Variants in UHMK1 observed in about 807,000 individuals in gnomAD.
The protein encoded by UHMK1 is serine/threonine-protein kinase Kist.
In UHMK1, 18 loss-of-function variants were observed where a neutral mutation model predicts 44.0. The ratio of observed to expected loss-of-function variants is 0.41; its 90% confidence interval spans 0.28 to 0.61. UHMK1 has a LOEUF of 0.61. Ranked by LOEUF, UHMK1 falls within the 20% of genes least tolerant of loss-of-function variation. UHMK1 has a pLI of 0.31. For missense variants in UHMK1, 463 were observed against 522.5 expected (o/e 0.89, Z 1.11); for synonymous variants, 231 against 198.5 (o/e 1.16, Z -1.38).
rs1396171128 is a variant in UHMK1, at chr1:162,500,987, C to G, written c.636C>G (p.Gly212=). ...TGCAAAATTGCTTGGCCCAGGCTGG[C>G]CTGCAGAGTGATACAGAATGTACCT... ...AELQNCLAQA[G]LQSDTECTSA... Residue 212 remains glycine (G), a synonymous_variant, in exon 3 of 8, where the codon GGC becomes GGG. Transcript: ENST00000489294. 1.8e-5 allele frequency: 29 copies of G among 1,613,784 alleles called. No individual in the cohort carries two copies. Among genetic ancestry groups the G allele is most frequent in the Non-Finnish European group, 2.4e-5 (28 of 1,179,986 alleles).
At chr1:162,499,801 AAG>A (rs1217609321) in intron 1 of UHMK1, among the ~76,000 whole-genome samples, 152 bp from the exon 2 acceptor site, 2 of 152,160 alleles carry the variant, frequency 1.3e-5, no homozygotes, top group African/African-American at 4.8e-5. Context: ...CAATTGCCAA[AAG>A]ATCTTATTCA....
upstream of UHMK1, chr1:162,497,361 C>A: frequency 2.9e-6 from 2 of 683,232 alleles, no homozygotes. Flanking sequence ...AGTGCCCTGG[C>A]CTGGGAGAAA....
At chr1:162,508,377 G>T (rs934986211) in intron 4 of UHMK1, among the ~76,000 whole-genome samples, 6 of 151,852 alleles carry the variant, frequency 4.0e-5, no homozygotes, top group Non-Finnish European at 5.9e-5. Flanking sequence ...CTCCCAAAGT[G>T]CTGGGATTAT....
intron 4 of UHMK1, among the ~76,000 whole-genome samples, chr1:162,509,670 C>T (rs774241903): frequency 6.6e-6 from 1 of 152,148 alleles, no homozygotes; most frequent in South Asian, 2.1e-4. Context: ...ATGATGGAGT[C>T]ACACTCTGTT....
chr1:162,502,484 T>TA (rs1345983774), intron 3 of UHMK1, among the ~76,000 whole-genome samples: 1 of 152,172 alleles, frequency 6.6e-6, no homozygotes, highest in East Asian at 1.9e-4. Context: ...TCAAGAGTCT[T>TA]ACGTATTCTT....
rs528647066 is a variant in UHMK1 at position 162,502,520 on chromosome 1, C to T, written c.754-1234C>T. ...TCTTGGTGCTAATCCAGACATAGATCAGTTATTTGAATGAGTTTTGACTGT... is the reference window on the plus strand; with the variant it reads ...TCTTGGTGCTAATCCAGACATAGATTAGTTATTTGAATGAGTTTTGACTGT... On this transcript the variant is annotated intron_variant, in intron 3 of 7. Transcript: ENST00000489294. Among the ~76,000 whole-genome samples the T allele has an allele frequency of 5.9e-5, 9 of 152,222 alleles. 1 individual carries two copies. The South Asian group carries it at 1.9e-3, about 32-fold the overall frequency.
intron 6 of UHMK1, among the ~76,000 whole-genome samples, chr1:162,513,534 G>T (rs1571014341): frequency 6.6e-6 from 1 of 152,294 alleles, no homozygotes; most frequent in East Asian, 1.9e-4. Flanking sequence ...TGAAGATAGG[G>T]TACTATACAA....
chr1:162,498,895 G>A (rs1194718903), intron 1 of UHMK1, among the ~76,000 whole-genome samples: 1 of 152,212 alleles, frequency 6.6e-6, no homozygotes, highest in Non-Finnish European at 1.5e-5. Context: ...CTTATCATTA[G>A]TTATAGCTTT....
chr1:162,528,758 T>A lies in UHMK1; in HGVS notation c.*6208T>A, dbSNP rs1462486153. The A allele has an allele frequency of 6.6e-6, 1 of 152,172 alleles. No homozygotes were observed. The highest frequency in any genetic ancestry group is 1.5e-5 in the Non-Finnish European group (1 of 67,994). 9.4% of individuals were successfully genotyped at this position (152,172 alleles called of 1,614,324 possible). A position where few individuals can be genotyped will look rare whatever the true frequency, so the allele number is the denominator to read the frequency against. On this transcript the variant is annotated 3_prime_UTR_variant, in exon 8 of 8. Coordinates refer to ENST00000489294, the MANE Select transcript of UHMK1 (RefSeq NM_175866.5). ...TTTTCCAGCAGAATTTACTCTTCCATTCTTAATTCTTTTTTGAAATATCTT... is the reference window on the plus strand; with the variant it reads ...TTTTCCAGCAGAATTTACTCTTCCAATCTTAATTCTTTTTTGAAATATCTT...
At chr1:162,502,741 A>C (rs1651320761) in intron 3 of UHMK1, among the ~76,000 whole-genome samples, 1 of 152,222 alleles carries the variant, frequency 6.6e-6, no homozygotes, top group Non-Finnish European at 1.5e-5. Flanking sequence ...CATAGGCTCT[A>C]AAGTCAAGCT....
chr1:162,512,381 A>G (rs1455642165), intron 4 of UHMK1, 119 bp from the exon 5 acceptor site: 3 of 795,336 alleles, frequency 3.8e-6, no homozygotes, highest in Non-Finnish European at 6.0e-6. Flanking sequence ...GAATGATTCA[A>G]TAAATCATGC....
chr1:162,498,013 G>T lies in UHMK1; in HGVS notation c.13G>T (p.Gly5Cys). Residue 5 changes from glycine to cysteine, a missense_variant, in exon 1 of 8, where the codon GGC (glycine) becomes TGC (cysteine). By Grantham distance (159) the Gly-to-Cys change is radical (BLOSUM62 -3). Around this residue, in one of 3 missense-constraint regions of UHMK1, gnomAD observed 191 missense variants for 176.0 expected, o/e 1.09. Coordinates refer to ENST00000489294, the MANE Select transcript of UHMK1 (RefSeq NM_175866.5). ...TTAACCCACACCGATGGCGGGATCCGGCTGCGCCTGGGGCGCGGAGCCGCC... is the reference window on the plus strand; with the variant it reads ...TTAACCCACACCGATGGCGGGATCCTGCTGCGCCTGGGGCGCGGAGCCGCC... The part of the protein sequence containing the change: MAGS[G>C]CAWGAEPPRF... 2 of 1,587,622 alleles carry T rather than the reference G, an allele frequency of 1.3e-6. No homozygotes were observed. Among genetic ancestry groups the T allele is most frequent in the Middle Eastern group, 2.1e-4 (1 of 4,698 alleles).
At chr1:162,512,475 T>C (rs1651699045) in intron 4 of UHMK1, 25 bp from the exon 5 acceptor site, 1 of 1,578,578 alleles carries the variant, frequency 6.3e-7, no homozygotes, top group African/African-American at 1.4e-5. Flanking sequence ...GCAGAAATGA[T>C]AAGGCACCTA....
In UHMK1 at chr1:162,500,179, T is replaced by C. The variant is rs1651216228; in HGVS notation, c.493T>C (p.Leu165=). 1 of 1,614,058 alleles carries C rather than the reference T, an allele frequency of 6.2e-7. No homozygotes were observed. Among genetic ancestry groups the C allele is most frequent in the Non-Finnish European group, 8.5e-7 (1 of 1,180,014 alleles). The change falls in exon 2 of 8, where the codon TTG becomes CTG. Residue 165 remains leucine (L), a synonymous_variant. Transcript: ENST00000489294. ...TGCGGACCTCAAACCACGTAACATA[T>C]TGTGGAGTGCAGAGAATGAATGTTT... ...VHADLKPRNI[L]WSAENECFKL... is the part of the protein sequence containing the mutation.
At position 162,526,081 on chromosome 1, in the gene UHMK1, T is replaced by G. The variant is rs182736100; in HGVS notation, c.*3531T>G. 7 of 152,260 alleles carry G rather than the reference T, an allele frequency of 4.6e-5. No homozygotes were observed. In the East Asian group the frequency reaches 5.8e-4, roughly 13 times the overall value. 9.4% of individuals were successfully genotyped at this position (152,260 alleles called of 1,614,324 possible). A position where few individuals can be genotyped will look rare whatever the true frequency, so the allele number is the denominator to read the frequency against. On this transcript the variant is annotated 3_prime_UTR_variant, in exon 8 of 8. Transcript: ENST00000489294. ...TTATTACACTGGACCTTCACTCTGGTAAGGGCATCAGTTACTTTTCTGGAA... is the reference window on the plus strand; with the variant it reads ...TTATTACACTGGACCTTCACTCTGGGAAGGGCATCAGTTACTTTTCTGGAA...
At chr1:162,521,774 G>T (rs533756585) in intron 7 of UHMK1, among the ~76,000 whole-genome samples, 1 of 152,274 alleles carries the variant, frequency 6.6e-6, no homozygotes, top group Non-Finnish European at 1.5e-5. Flanking sequence ...GATTACAGGT[G>T]TGTGCCACCT....
intron 4 of UHMK1, among the ~76,000 whole-genome samples, chr1:162,506,262 T>G (rs1200057899): frequency 1.4e-5 from 2 of 138,096 alleles, no homozygotes; most frequent in Admixed American, 7.4e-5. Context: ...ATACTAAATT[T>G]GGAAACTATA....
At chr1:162,507,656 G>A (rs1201746927) in intron 4 of UHMK1, among the ~76,000 whole-genome samples, 4 of 145,284 alleles carry the variant, frequency 2.8e-5, no homozygotes, top group African/African-American at 5.1e-5. Context: ...GCGTGATCTC[G>A]GCTCACTGCA....
chr1:162,513,033 A>C, intron 6 of UHMK1: 1 of 427,570 alleles, frequency 2.3e-6, no homozygotes. Context: ...GCTCACTGCA[A>C]CCTCTGCCTC....
Sources: allele counts gnomAD v4.1 joint callset (sites outside exome capture counted in the v4.1 genomes callset), GRCh38; gene constraint gnomAD v4.1.1; regional missense constraint gnomAD v4.1.1; transcripts MANE v1.5; gene names NCBI Gene and HGNC (gene_info 2026-07-23, HGNC 2026-07-21).